The following TECRL variants were observed in gnomAD, a reference collection of about 807,000 sequenced individuals.
TECRL encodes trans-2,3-enoyl-CoA reductase like, also known as trans-2,3-enoyl-CoA reductase-like.
A neutral mutation model predicts 52.8 loss-of-function variants in TECRL; 63 were observed. The observed-to-expected ratio is 1.19, with a 90% confidence interval of 0.97 to 1.47. TECRL has a LOEUF of 1.47. TECRL is among the 40% of genes most tolerant of loss of function. The probability of loss-of-function intolerance (pLI) is 0.00; values close to 1 mark genes in which losing one functional copy is unlikely to be tolerated. For synonymous variants in TECRL, 164 were observed against 141.9 expected (o/e 1.16, Z -1.10); for missense variants, 482 against 429.6 (o/e 1.12, Z -1.08).
chr4:64,281,728 T>C (rs1260532059), intron 9 of TECRL, among the ~76,000 whole-genome samples, 169 bp from the exon 10 acceptor site: 1 of 151,966 alleles, frequency 6.6e-6, no homozygotes, highest in African/African-American at 2.4e-5. Context: ...CAGCTTTAAA[T>C]GTTATAACCT....
At chr4:64,357,438 A>G (rs977145517) in intron 2 of TECRL, among the ~76,000 whole-genome samples, 1 of 151,610 alleles carries the variant, frequency 6.6e-6, no homozygotes, top group African/African-American at 2.4e-5. Flanking sequence ...AGGTAAAAAA[A>G]TGGACAAATC....
intron 2 of TECRL, among the ~76,000 whole-genome samples, chr4:64,357,398 A>G (rs1720845532): frequency 6.6e-6 from 1 of 151,690 alleles, no homozygotes; most frequent in Non-Finnish European, 1.5e-5. Context: ...AAGAGATGTC[A>G]AGAAGTTATC....
At chr4:64,378,671 C>T (rs1476917660) in intron 1 of TECRL, among the ~76,000 whole-genome samples, 1 of 151,974 alleles carries the variant, frequency 6.6e-6, no homozygotes, top group Non-Finnish European at 1.5e-5. Context: ...TTTATACAAT[C>T]AAAATGTGTT....
intron 8 of TECRL, among the ~76,000 whole-genome samples, chr4:64,294,213 C>T (rs1723553436): frequency 6.6e-6 from 1 of 151,930 alleles, no homozygotes; most frequent in African/African-American, 2.4e-5. Flanking sequence ...TCTCAAACTC[C>T]TGACCTCAAG....
chr4:64,391,504 C>A (rs932887704), intron 1 of TECRL, among the ~76,000 whole-genome samples: 2 of 151,842 alleles, frequency 1.3e-5, no homozygotes, highest in Non-Finnish European at 2.9e-5. Context: ...TTAATAACAT[C>A]AACACTCAAA....
intron 9 of TECRL, among the ~76,000 whole-genome samples, chr4:64,289,200 A>T (rs1723242541): frequency 6.6e-6 from 1 of 152,214 alleles, no homozygotes; most frequent in African/African-American, 2.4e-5. Context: ...TCAAAACCAC[A>T]GTTACTTTTG....
rs1158991292 is a variant in TECRL at position 64,279,262 on chromosome 4, T to A, written c.*810A>T. 6.6e-6 allele frequency: 1 copy of A among 152,208 alleles called. No individual in the cohort carries two copies. The highest frequency in any genetic ancestry group is 6.5e-5 in the Admixed American group (1 of 15,278). The allele number at this position is 152,208 out of a possible 1,614,324, so 9.4% of individuals were successfully genotyped here. The stretch of plus-strand genomic sequence containing the variant: ...CGCATCTTCACCAATATGTTATTTT[T>A]ATTTTATTTTGAGACAGTCTCACTC... On this transcript the variant is annotated 3_prime_UTR_variant, in exon 12 of 12. Coordinates refer to ENST00000381210, the MANE Select transcript of TECRL (RefSeq NM_001010874.5).
chr4:64,385,780 G>A (rs932296048), intron 1 of TECRL, among the ~76,000 whole-genome samples: 1 of 152,178 alleles, frequency 6.6e-6, no homozygotes, highest in Non-Finnish European at 1.5e-5. Flanking sequence ...GTGGACTCCA[G>A]GCAGCTCCTT....
intron 1 of TECRL, among the ~76,000 whole-genome samples, chr4:64,382,292 A>G (rs909413473): frequency 2.1e-5 from 3 of 145,352 alleles, no homozygotes; most frequent in Non-Finnish European, 3.0e-5. Context: ...ATTATATTAT[A>G]TATTATACAT....
At chr4:64,289,599 G>A in intron 9 of TECRL, 111 bp downstream of exon 9, 3 of 829,116 alleles carry the variant, frequency 3.6e-6, no homozygotes, top group Admixed American at 7.6e-5. Flanking sequence ...TGTGGCACAT[G>A]TATTTCCAAC....
chr4:64,399,513 G>C (rs908453901), intron 1 of TECRL, among the ~76,000 whole-genome samples: 5 of 152,056 alleles, frequency 3.3e-5, no homozygotes, highest in Admixed American at 2.6e-4. Flanking sequence ...AGGCCTGGAA[G>C]GCATCTCAAA....
At chr4:64,369,494 A>C (rs1721838710) in intron 2 of TECRL, among the ~76,000 whole-genome samples, 1 of 152,110 alleles carries the variant, frequency 6.6e-6, no homozygotes, top group Non-Finnish European at 1.5e-5. Context: ...AGGATTAATA[A>C]ATAACCTTTC....
At chr4:64,291,955 G>A (rs1577811490) in intron 8 of TECRL, among the ~76,000 whole-genome samples, 1 of 151,860 alleles carries the variant, frequency 6.6e-6, no homozygotes, top group Non-Finnish European at 1.5e-5. Flanking sequence ...TATTAATTTG[G>A]CAACTTCTTA....
intron 1 of TECRL, among the ~76,000 whole-genome samples, chr4:64,384,885 T>G (rs529149210): frequency 4.3e-4 from 65 of 152,158 alleles, no homozygotes; most frequent in Admixed American, 4.1e-3. Flanking sequence ...TGGGCCTGTC[T>G]TCAGTTCTCC....
chr4:64,321,312 T>G (rs1226869383), intron 4 of TECRL, among the ~76,000 whole-genome samples: 1 of 152,062 alleles, frequency 6.6e-6, no homozygotes, highest in Non-Finnish European at 1.5e-5. Context: ...CATACATTTG[T>G]AAAACTTACA....
At chr4:64,324,786 A>G (rs1232605593) in intron 3 of TECRL, among the ~76,000 whole-genome samples, 1 of 152,126 alleles carries the variant, frequency 6.6e-6, no homozygotes, top group African/African-American at 2.4e-5. Flanking sequence ...ATATACATAT[A>G]TAATTACATA....
chr4:64,301,074 A>G (rs1723991717), intron 7 of TECRL, among the ~76,000 whole-genome samples: 1 of 150,912 alleles, frequency 6.6e-6, no homozygotes, highest in Non-Finnish European at 1.5e-5. Context: ...ATATATACAA[A>G]CCATATGTAC....
intron 2 of TECRL, among the ~76,000 whole-genome samples, 168 bp downstream of exon 2, chr4:64,375,004 T>A (rs899754201): frequency 5.3e-5 from 8 of 152,140 alleles, no homozygotes; most frequent in African/African-American, 1.9e-4. Context: ...TAGAGTTAAA[T>A]GCTAGAATAT....
Position 64,280,075 on chromosome 4 carries a change from C to T in TECRL, c.1089G>A (p.Leu363=). Residue 363 remains leucine, a synonymous_variant, in exon 12 of 12, where the codon TTG becomes TTA. Transcript: ENST00000381210. ...TATAGGAGATAAGATTCTTTTTTTACAATATGAATGGAATCATTGCTGATT... is the reference window on the plus strand; with the variant it reads ...TATAGGAGATAAGATTCTTTTTTTATAATATGAATGGAATCATTGCTGATT... ...HRKSAMIPFI[L] The T allele has an allele frequency of 6.3e-7, 1 of 1,584,888 alleles. No homozygotes were observed. Among genetic ancestry groups the T allele is most frequent in the Non-Finnish European group, 8.6e-7 (1 of 1,168,450 alleles).
Sources: allele counts gnomAD v4.1 joint callset (sites outside exome capture counted in the v4.1 genomes callset), GRCh38; gene constraint gnomAD v4.1.1; transcripts MANE v1.5; gene names NCBI Gene and HGNC (gene_info 2026-07-23, HGNC 2026-07-21).